ZIM2: variants seen among roughly 807,000 people sequenced by gnomAD.
The protein encoded by ZIM2 is zinc finger protein 656.
In ZIM2, 14 loss-of-function variants were observed where a neutral mutation model predicts 38.6. The ratio of observed to expected loss-of-function variants is 0.36; its 90% CI spans 0.24 to 0.57. ZIM2 has a LOEUF of 0.57. Among genes scored for constraint, ZIM2 ranks in the 20% least tolerant of loss-of-function variants. The pLI, the probability that ZIM2 is intolerant of heterozygous loss-of-function variation, is 0.81. For synonymous variants in ZIM2, 247 were observed against 245.8 expected, an observed-to-expected ratio of 1.00 and a Z score of -0.04; for missense variants, 680 against 695.1, an observed-to-expected ratio of 0.98 and a Z score of 0.24.
chr19:56,775,229 C>T lies in ZIM2; in HGVS notation c.1136G>A (p.Arg379Gln), dbSNP rs755398450. Residue 379 changes from arginine (R) to glutamine (Q), a missense_variant, in exon 13 of 13, where the codon CGG becomes CAG. Physicochemically the swap from Arg to Gln is conservative, Grantham distance 43 (BLOSUM62 1). Coordinates refer to ENST00000629319, the MANE Select transcript of ZIM2 (RefSeq NM_001387356.1). The stretch of plus-strand genomic sequence containing the variant: ...ATAGGGTTTCTTCCCAGTATGGATC[C>T]GTTCGTGTCTCCTAAGGGCTACTTG... Reference protein sequence around the residue: ...STQVALRRHERIHTGKKPYEC... With the variant: ...STQVALRRHEQIHTGKKPYEC... The T allele has an allele frequency of 8.0e-5, 129 of 1,614,004 alleles. No homozygotes were observed. Among genetic ancestry groups the T allele is most frequent in the Non-Finnish European group, 1.0e-4 (123 of 1,180,044 alleles).
At chr19:56,783,669 C>T (rs1052543916) in intron 10 of ZIM2, among the ~76,000 whole-genome samples, 3 of 152,048 alleles carry the variant, frequency 2.0e-5, no homozygotes, top group African/African-American at 7.2e-5. Context: ...CTAGGGAATA[C>T]AAGAGGAGGC....
Position 56,774,880 on chromosome 19 carries a change from T to C in ZIM2, c.1485A>G (p.Arg495=). The change falls in exon 13 of 13, where the codon AGA becomes AGG. Residue 495 remains arginine, a synonymous_variant. Coordinates refer to ENST00000629319, the MANE Select transcript of ZIM2 (RefSeq NM_001387356.1). Reference sequence around the variant, plus strand: ...TGCCACAGTCACAACACTGGCAGGCTCTCTCTCCAACGTAGTCATGTTTCC... The same window carrying C: ...TGCCACAGTCACAACACTGGCAGGCCCTCTCTCCAACGTAGTCATGTTTCC... ...YQRKHDYVGE[R]ACQCCDCGRV... The C allele has an allele frequency of 6.2e-7, 1 of 1,614,192 alleles. No homozygotes were observed. The highest frequency in any genetic ancestry group is 8.5e-7 in the Non-Finnish European group (1 of 1,180,038).
At position 56,814,153 on chromosome 19, in the gene ZIM2, G is replaced by GCAGCCTCTCCATCTGGCCCTT; in HGVS notation, c.490+3572_490+3592dup. 1.2e-6 allele frequency: 2 copies of GCAGCCTCTCCATCTGGCCCTT among 1,614,070 alleles called. No individual in the cohort carries two copies. Among genetic ancestry groups the GCAGCCTCTCCATCTGGCCCTT allele is most frequent in the Admixed American group, 1.7e-5 (1 of 60,012 alleles). On this transcript the variant is annotated intron_variant, in intron 9 of 12. Transcript: ENST00000629319. This position sits in a 1 kb window ranked among gnomAD's most constrained non-coding sequence, Gnocchi z 5.8. ...CTGTCCAGCCTCTCCAATGGGCTCTGCAGCCTCTCCATCTGGCCCTTCAGC... is the reference window on the plus strand; with the variant it reads ...CTGTCCAGCCTCTCCAATGGGCTCTGCAGCCTCTCCATCTGGCCCTTCAGCCTCTCCATCTGGCCCTTCAGC...
At chr19:56,783,055 C>T (rs1355508335) in intron 10 of ZIM2, among the ~76,000 whole-genome samples, 1 of 152,016 alleles carries the variant, frequency 6.6e-6, no homozygotes, top group African/African-American at 2.4e-5. Flanking sequence ...CCCTTCTAAT[C>T]TCTATTTGAC....
intron 1 of ZIM2, among the ~76,000 whole-genome samples, chr19:56,839,059 C>T (rs1438453333): frequency 4.6e-5 from 7 of 151,478 alleles, no homozygotes; most frequent in African/African-American, 7.3e-5. Flanking sequence ...GGCGCCCAGG[C>T]GGGCGGGCCT....
In ZIM2 at chr19:56,774,562, A is replaced by C; in HGVS notation, c.*126T>G. On this transcript the variant is annotated 3_prime_UTR_variant, in exon 13 of 13. Coordinates refer to ENST00000629319, the MANE Select transcript of ZIM2 (RefSeq NM_001387356.1). ...AAATTGCAACTTTTTTTTTTTTTTT[A>C]CCACACTTTGATGAATGTTCAAGTT... The C allele has an allele frequency of 3.2e-6, 4 of 1,235,284 alleles. No homozygotes were observed. Among genetic ancestry groups the C allele is most frequent in the South Asian group, 2.2e-5 (1 of 45,214 alleles). 76.5% of individuals were successfully genotyped at this position (1,235,284 alleles called of 1,614,324 possible).
intron 9 of ZIM2, among the ~76,000 whole-genome samples, chr19:56,806,153 G>C (rs1600813715): frequency 6.6e-6 from 1 of 152,282 alleles, no homozygotes; most frequent in South Asian, 2.1e-4. Context: ...GGTGATCTTT[G>C]TACTATTCTT....
Position 56,814,346 on chromosome 19 carries a change from C to G in ZIM2, c.490+3400G>C, listed in dbSNP as rs1442846373. 6.2e-7 allele frequency: 1 copy of G among 1,613,946 alleles called. No individual in the cohort carries two copies. Among genetic ancestry groups the G allele is most frequent in the Admixed American group, 1.7e-5 (1 of 60,008 alleles). On this transcript the variant is annotated intron_variant, in intron 9 of 12. Coordinates refer to ENST00000629319, the MANE Select transcript of ZIM2 (RefSeq NM_001387356.1). The surrounding 1 kb of genome is among the most constrained non-coding windows in gnomAD (Gnocchi z 5.8). ...ACTTCCTGGGCTGCTGCTGCTGCAG[C>G]TGCTGCTGCTTCATCTTCTTCTTCT...
Position 56,833,369 on chromosome 19 carries a change from G to A in ZIM2, c.-227+2649C>T, listed in dbSNP as rs139341547. On this transcript the variant is annotated intron_variant, in intron 2 of 12. Transcript: ENST00000629319. ...ACTCTCTTCGTCTCCCAGGGACAGC[G>A]TGGTGTGTGGTCTCGTCTCTCTTCT... is the stretch of plus-strand genomic sequence containing the variant. The A allele has an allele frequency of 4.5e-4, 162 of 356,858 alleles. 1 individual carries two copies. Among genetic ancestry groups the A allele is most frequent in the South Asian group, 1.6e-3 (75 of 47,414 alleles). 22.1% of individuals were successfully genotyped at this position (356,858 alleles called of 1,614,324 possible).
At chr19:56,806,771 A>G (rs985842704) in intron 9 of ZIM2, among the ~76,000 whole-genome samples, 7 of 152,134 alleles carry the variant, frequency 4.6e-5, no homozygotes, top group Non-Finnish European at 8.8e-5. Flanking sequence ...GCCCTCATGA[A>G]TGGGATTAGT....
chr19:56,824,485 A>G (rs773695921), intron 3 of ZIM2, 58 bp from the exon 4 acceptor site: 10 of 1,613,992 alleles, frequency 6.2e-6, no homozygotes, highest in African/African-American at 1.3e-5. Context: ...GAGGCCCAAC[A>G]AATTCCACAT....
Position 56,814,403 on chromosome 19 carries a change from G to A in ZIM2, c.490+3343C>T. ...AGATGAAGCTCCTTATGTTTAGTGA[G>A]GACTGTGCTATGAATAAAGGACTTA... On this transcript the variant is annotated intron_variant, in intron 9 of 12. Coordinates refer to ENST00000629319, the MANE Select transcript of ZIM2 (RefSeq NM_001387356.1). This position sits in a 1 kb window ranked among gnomAD's most constrained non-coding sequence, Gnocchi z 5.8. 6.2e-7 allele frequency: 1 copy of A among 1,614,024 alleles called. No individual in the cohort carries two copies. Among genetic ancestry groups the A allele is most frequent in the Non-Finnish European group, 8.5e-7 (1 of 1,179,918 alleles).
rs36087082 is a variant in ZIM2, at chr19:56,792,024, G to GTTT, written c.491-2076_491-2074dup. Among the ~76,000 whole-genome samples, 1,132 of 134,580 alleles carry GTTT rather than the reference G, an allele frequency of 8.4e-3. 22 individuals carry two copies. Among genetic ancestry groups the GTTT allele is most frequent in the Non-Finnish European group, 0.013 (814 of 62,990 alleles). The allele number at this position is 134,580 out of a possible 152,430, so 88.3% of individuals were successfully genotyped here. ...ATTAATGCCACAAGCAATCCCAGGAGTTTTTTTTTTTTTTTTGTAGTGTGT... is the reference window on the plus strand; with the variant it reads ...ATTAATGCCACAAGCAATCCCAGGAGTTTTTTTTTTTTTTTTTTTGTAGTGTGT... On this transcript the variant is annotated intron_variant, in intron 9 of 12. Coordinates refer to ENST00000629319, the MANE Select transcript of ZIM2 (RefSeq NM_001387356.1).
chr19:56,822,286 A>G (rs575438646), intron 6 of ZIM2, among the ~76,000 whole-genome samples: 18 of 152,318 alleles, frequency 1.2e-4, no homozygotes, highest in Non-Finnish European at 2.1e-4. Context: ...ATGGACACCA[A>G]CAATACACTG....
intron 2 of ZIM2, among the ~76,000 whole-genome samples, chr19:56,835,303 T>G (rs2061977651): frequency 6.6e-6 from 1 of 152,174 alleles, no homozygotes; most frequent in Admixed American, 6.5e-5. Context: ...CACCACAGAT[T>G]ACAAGTCTTT....
In ZIM2 at chr19:56,814,292, C is replaced by T. The variant is rs1441085788; in HGVS notation, c.490+3454G>A. The T allele has an allele frequency of 1.2e-6, 2 of 1,614,012 alleles. No homozygotes were observed. Among genetic ancestry groups the T allele is most frequent in the South Asian group, 1.1e-5 (1 of 91,056 alleles). Reference sequence around the variant, plus strand: ...ACGTTTAAGCCCTGAATCCTCAGAACTACTTGTGGAACATGGACATTGGCT... The same window carrying T: ...ACGTTTAAGCCCTGAATCCTCAGAATTACTTGTGGAACATGGACATTGGCT... On this transcript the variant is annotated intron_variant, in intron 9 of 12. Transcript: ENST00000629319. The surrounding 1 kb of genome is among the most constrained non-coding windows in gnomAD (Gnocchi z 5.8).
At chr19:56,815,530 C>T in intron 9 of ZIM2, 1 of 1,614,134 alleles carries the variant, frequency 6.2e-7, no homozygotes, top group Non-Finnish European at 8.5e-7. Context: ...ACACTCCTGA[C>T]ATTCATAGAG....
intron 1 of ZIM2, among the ~76,000 whole-genome samples, chr19:56,840,145 C>A (rs2062830336): frequency 6.6e-6 from 1 of 152,222 alleles, no homozygotes; most frequent in African/African-American, 2.4e-5. Context: ...CTCCCGAGAG[C>A]CGCATTCCGC....
At chr19:56,801,737 C>A (rs1314879564) in intron 9 of ZIM2, among the ~76,000 whole-genome samples, 2 of 152,168 alleles carry the variant, frequency 1.3e-5, no homozygotes, top group Non-Finnish European at 2.9e-5. Flanking sequence ...GCTCTCAGAG[C>A]ACAGCAGACA....
Sources: gnomAD v4.1 joint callset for allele counts (sites outside exome capture counted in the v4.1 genomes callset) on GRCh38, gnomAD v4.1.1 for gene constraint, Gnocchi (gnomAD v3.1) non-coding constraint, MANE v1.5 for transcripts, NCBI Gene and HGNC (gene_info 2026-07-23, HGNC 2026-07-21) for gene names.